The following MAGIX variants were observed in gnomAD, a reference collection of about 807,000 sequenced individuals.
MAGIX encodes the protein PDZ domain-containing protein MAGIX.
A neutral mutation model predicts 10.0 loss-of-function variants in MAGIX; 13 were observed. The observed-to-expected ratio is 1.30, with a 90% confidence interval of 0.84 to 2.06. The LOEUF is 2.06. Ranked by LOEUF, MAGIX falls within the 30% of genes most tolerant of loss-of-function variation. MAGIX has a pLI of 0.00. For synonymous variants in MAGIX, 108 were observed against 106.8 expected, an observed-to-expected ratio of 1.01 and a Z score of -0.07; for missense variants, 235 against 245.2, an observed-to-expected ratio of 0.96 and a Z score of 0.28.
exon 3 of MAGIX, chrX:49,164,924 C>T (rs782647776): frequency 5.7e-5 from 69 of 1,211,107 alleles, no homozygotes; most frequent in Non-Finnish European, 7.5e-5. Flanking sequence ...GCACGTAGTG[C>T]TCCGAAGCCA....
chrX:49,165,545 G>T, intron 4 of MAGIX, 184 bp downstream of exon 5: 1 of 422,612 alleles, frequency 2.4e-6, no homozygotes, highest in Non-Finnish European at 4.0e-6. Flanking sequence ...TAGGAATAAC[G>T]TAGGGGCAGG....
intron 2 of MAGIX, 113 bp downstream of exon 2, chrX:49,164,042 G>T (rs1557096960): frequency 1.3e-6 from 1 of 752,504 alleles, no homozygotes; most frequent in East Asian, 4.5e-5. Context: ...GGGGCCAAGG[G>T]GCGCGACTTG....
exon 3 of MAGIX, chrX:49,164,763 G>A: frequency 8.3e-7 from 1 of 1,212,051 alleles, no homozygotes; most frequent in Non-Finnish European, 1.1e-6. Context: ...CCTGCCTCAT[G>A]CCACTATTGT....
At chrX:49,168,142 A>T (rs1656773389) in exon 5 of MAGIX, 1 of 112,150 alleles carries the variant, frequency 8.9e-6, no homozygotes, top group South Asian at 3.7e-4. Flanking sequence ...ATGAGAGTAG[A>T]CAGATGTCAG....
exon 3 of MAGIX, chrX:49,164,770 T>C: frequency 8.3e-7 from 1 of 1,211,860 alleles, no homozygotes; most frequent in Non-Finnish European, 1.1e-6. Context: ...CATGCCACTA[T>C]TGTGGATCAC....
chrX:49,165,450 G>A, intron 4 of MAGIX, 89 bp downstream of exon 5: 1 of 901,049 alleles, frequency 1.1e-6, no homozygotes, highest in South Asian at 2.6e-5. Flanking sequence ...GGGTGGGAAG[G>A]GTTTGGTGGT....
At chrX:49,163,928 G>A in exon 2 of MAGIX, 1 of 1,016,592 alleles carries the variant, frequency 9.8e-7, no homozygotes, top group Non-Finnish European at 1.3e-6. Flanking sequence ...GCCGGAAGGA[G>A]GGTGAGTGAC....
exon 5 of MAGIX, chrX:49,166,974 C>T (rs1557098412): frequency 7.1e-5 from 8 of 113,347 alleles, no homozygotes; most frequent in Non-Finnish European, 1.9e-5. Flanking sequence ...CATACAGACC[C>T]TCAGCTGACG....
chrX:49,164,713 G>C, exon 3 of MAGIX: 1 of 1,209,647 alleles, frequency 8.3e-7, no homozygotes, highest in Non-Finnish European at 1.1e-6. Context: ...CCAGCTGTTA[G>C]CGTGCTGGAC....
intron 4 of MAGIX, chrX:49,165,779 A>G: frequency 2.9e-6 from 1 of 345,759 alleles, no homozygotes; most frequent in Non-Finnish European, 5.0e-6. Context: ...TTGGGAGTCA[A>G]CGGAGGTGGG....
intron 4 of MAGIX, 199 bp downstream of exon 5, chrX:49,165,560 G>C: frequency 2.5e-6 from 1 of 407,296 alleles, no homozygotes; most frequent in Non-Finnish European, 4.2e-6. Flanking sequence ...GGCAGGGAGG[G>C]GTGTCAGTCT....
intron 4 of MAGIX, chrX:49,165,731 G>A (rs2065361772): frequency 3.0e-6 from 1 of 329,700 alleles, no homozygotes. Flanking sequence ...GATCCAGAGG[G>A]TAGGGGGTCT....
chrX:49,165,367 T>G lies in MAGIX; in HGVS notation c.502+6T>G. Reference sequence around the variant, plus strand: ...AGAGCCCCGAAAAGGAGTTGGTGGGTTTCCCAAGGGAGAGAAGTCAGAGAT... The same window carrying G: ...AGAGCCCCGAAAAGGAGTTGGTGGGGTTCCCAAGGGAGAGAAGTCAGAGAT... On this transcript the variant is annotated splice_donor_region_variant and intron_variant, in intron 4 of 4. Coordinates refer to ENST00000616266, the Ensembl canonical transcript of MAGIX. 8.7e-7 allele frequency: 1 copy of G among 1,153,059 alleles called. No individual in the cohort carries two copies. Among genetic ancestry groups the G allele is most frequent in the Non-Finnish European group, 1.2e-6 (1 of 865,461 alleles).
exon 5 of MAGIX, chrX:49,166,310 C>A (rs782505549): frequency 2.4e-5 from 28 of 1,177,748 alleles, no homozygotes; most frequent in Non-Finnish European, 3.2e-5. Context: ...CTGGCTAGTG[C>A]CCAGCGAGGA....
chrX:49,164,049 C>A, intron 2 of MAGIX, 120 bp downstream of exon 2: 1 of 704,504 alleles, frequency 1.4e-6, no homozygotes, highest in Non-Finnish European at 1.9e-6. Flanking sequence ...AGGGGCGCGA[C>A]TTGGGGCGGG....
At chrX:49,165,339 G>A in exon 4 of MAGIX, 1 of 1,171,157 alleles carries the variant, frequency 8.5e-7, no homozygotes, top group Non-Finnish European at 1.1e-6. Context: ...CTCGAGGGGT[G>A]GGAGAGCCCC....
intron 1 of MAGIX, chrX:49,162,762 G>T: frequency 2.7e-6 from 1 of 373,801 alleles, no homozygotes; most frequent in Non-Finnish European, 4.6e-6. Context: ...CACCGCGCGG[G>T]TCCGGGAGCC....
At chrX:49,164,745 G>T (rs782655443) in exon 3 of MAGIX, 1 of 1,210,583 alleles carries the variant, frequency 8.3e-7, no homozygotes, top group East Asian at 3.0e-5. Flanking sequence ...AGAGGTCACA[G>T]ACAGTCGCCT....
chrX:49,162,678 G>A (rs2086559440), exon 1 of MAGIX: 1 of 299,939 alleles, frequency 3.3e-6, no homozygotes, highest in East Asian at 4.8e-5. Flanking sequence ...AGAGTGCGGC[G>A]CCTGCAGCAG....
Sources: gnomAD v4.1 joint callset for allele counts on GRCh38, gnomAD v4.1.1 for gene constraint, MANE v1.5 for transcripts, NCBI Gene and HGNC (gene_info 2026-07-23, HGNC 2026-07-21) for gene names.